UBR2: variants seen among roughly 807,000 people sequenced by gnomAD.
UBR2 encodes E3 ubiquitin-protein ligase UBR2.
UBR2 carries 92 observed loss-of-function variants against 247.9 expected under a neutral mutation model. The observed-to-expected ratio is 0.37, with a 90% CI of 0.31 to 0.44. UBR2 has a LOEUF of 0.44. Ranked by LOEUF, UBR2 falls within the 20% of genes least tolerant of loss-of-function variation. The pLI is 1.00. For missense variants in UBR2, 1,613 were observed against 2,112.6 expected (o/e 0.76, Z 4.64); for synonymous variants, 672 against 693.5 (o/e 0.97, Z 0.49).
chr6:42,629,696 C>G (rs568268705), intron 11 of UBR2, among the ~76,000 whole-genome samples: 1 of 152,004 alleles, frequency 6.6e-6, no homozygotes, highest in Admixed American at 6.6e-5. Flanking sequence ...GTGTTAAGTA[C>G]AAGAAATATA....
chr6:42,606,899 T>G (rs923383507), intron 7 of UBR2, among the ~76,000 whole-genome samples: 1 of 152,160 alleles, frequency 6.6e-6, no homozygotes, highest in African/African-American at 2.4e-5. Flanking sequence ...CTTAGAATGT[T>G]TTTCGCTTTC....
chr6:42,611,898 C>T (rs1794112380), intron 7 of UBR2, among the ~76,000 whole-genome samples: 1 of 143,846 alleles, frequency 7.0e-6, no homozygotes, highest in Non-Finnish European at 1.5e-5. Flanking sequence ...CAGAGCGAGA[C>T]TCCACCTCAA....
At chr6:42,638,861 C>A (rs76230247) in intron 15 of UBR2, among the ~76,000 whole-genome samples, 5 of 151,304 alleles carry the variant, frequency 3.3e-5, no homozygotes, top group African/African-American at 1.2e-4. Flanking sequence ...AAAAAAAAGT[C>A]TAATTTTATG....
At chr6:42,622,549 G>A (rs577199029) in intron 11 of UBR2, among the ~76,000 whole-genome samples, 1 of 151,028 alleles carries the variant, frequency 6.6e-6, no homozygotes, top group Non-Finnish European at 1.5e-5. Flanking sequence ...TTACAGGTGC[G>A]TGCCACCACA....
chr6:42,610,702 T>A (rs1794011064), intron 7 of UBR2, among the ~76,000 whole-genome samples: 1 of 152,142 alleles, frequency 6.6e-6, no homozygotes, highest in Non-Finnish European at 1.5e-5. Context: ...TAGCAGGGAC[T>A]TGCTCTTTAT....
chr6:42,654,845 T>A (rs994874252), intron 25 of UBR2, among the ~76,000 whole-genome samples: 2 of 152,250 alleles, frequency 1.3e-5, no homozygotes, highest in African/African-American at 4.8e-5. Flanking sequence ...AGTTTATAAA[T>A]GATAAGGCAT....
intron 4 of UBR2, among the ~76,000 whole-genome samples, chr6:42,601,688 CA>C (rs370998275): frequency 0.26 from 30,289 of 117,330 alleles, 3,214 homozygotes; most frequent in African/African-American, 0.34. Flanking sequence ...AACTCTAGCT[CA>C]AAAAAAAAAA....
chr6:42,668,542 C>T (rs778240307), intron 34 of UBR2, among the ~76,000 whole-genome samples: 17 of 151,804 alleles, frequency 1.1e-4, no homozygotes, highest in Admixed American at 5.2e-4. Flanking sequence ...CGGATTCAAG[C>T]GATTCTCCTG....
Position 42,663,434 on chromosome 6 carries a change from A to G in UBR2, c.3698+15A>G. On this transcript the variant is annotated intron_variant, in intron 32 of 46. Coordinates refer to ENST00000372901, the MANE Select transcript of UBR2 (RefSeq NM_001363705.2). ...ATTTTTAACAAGTAAGTTTTGGCTC[A>G]TGACAACTATTACAAAGCAATAGTT... 1 of 1,599,474 alleles carries G rather than the reference A, an allele frequency of 6.3e-7. No individual in the cohort carries two copies. The highest frequency in any genetic ancestry group is 1.1e-5 in the South Asian group (1 of 88,866).
intron 43 of UBR2, among the ~76,000 whole-genome samples, chr6:42,684,275 A>C (rs892767907): frequency 6.6e-6 from 1 of 152,164 alleles, no homozygotes; most frequent in South Asian, 2.1e-4. Context: ...TGATTTTGAT[A>C]TGATTAAGAA....
In UBR2 at chr6:42,679,644, A is replaced by G. The variant is rs1416652564; in HGVS notation, c.4610-80A>G. 31 of 1,028,106 alleles carry G rather than the reference A, an allele frequency of 3.0e-5. No homozygotes were observed. In the Admixed American group the frequency reaches 6.8e-4, roughly 22 times the overall value. The allele number at this position is 1,028,106 out of a possible 1,614,324, so 63.7% of individuals were successfully genotyped here. On this transcript the variant is annotated intron_variant, in intron 41 of 46. Coordinates refer to ENST00000372901, the MANE Select transcript of UBR2 (RefSeq NM_001363705.2). ...TGGAAGTCTTTCATCCTTTTTTTTTAAACTCTGCTATTGCTTAACTCTCAT... is the reference window on the plus strand; with the variant it reads ...TGGAAGTCTTTCATCCTTTTTTTTTGAACTCTGCTATTGCTTAACTCTCAT...
chr6:42,685,138 CCT>C (rs796307543), intron 44 of UBR2, among the ~76,000 whole-genome samples: 7 of 152,178 alleles, frequency 4.6e-5, no homozygotes, highest in African/African-American at 1.7e-4. Context: ...TTGGTGAAAC[CCT>C]GTCTCTACTA....
At chr6:42,628,505 T>G in intron 11 of UBR2, among the ~76,000 whole-genome samples, 1 of 152,034 alleles carries the variant, frequency 6.6e-6, no homozygotes. Flanking sequence ...GAGGATCACT[T>G]GAGGTCAGGA....
chr6:42,564,413 C>T lies in UBR2; in HGVS notation c.78+16C>T, dbSNP rs371439508. 3.5e-5 allele frequency: 56 copies of T among 1,603,766 alleles called. No homozygotes were observed. Among genetic ancestry groups the T allele is most frequent in the African/African-American group, 1.1e-4 (8 of 74,630 alleles). The stretch of plus-strand genomic sequence containing the variant: ...GATTGCGGGGGTGAGTGCCGGAACC[C>T]GGGCGGGTGCGTCTGCCCCTCGCAG... On this transcript the variant is annotated intron_variant, in intron 1 of 46. Coordinates refer to ENST00000372901, the MANE Select transcript of UBR2 (RefSeq NM_001363705.2).
chr6:42,580,154 G>T (rs2151908149), intron 2 of UBR2, among the ~76,000 whole-genome samples: 1 of 152,106 alleles, frequency 6.6e-6, no homozygotes, highest in Middle Eastern at 3.4e-3. Context: ...AATTCTGTAC[G>T]TTATCATGGG....
At chr6:42,672,470 G>A (rs1234059318) in intron 36 of UBR2, among the ~76,000 whole-genome samples, 1 of 151,982 alleles carries the variant, frequency 6.6e-6, no homozygotes, top group Non-Finnish European at 1.5e-5. Flanking sequence ...TTTTTACCCA[G>A]AATCTCACTC....
At chr6:42,628,037 T>C (rs974228114) in intron 11 of UBR2, among the ~76,000 whole-genome samples, 9 of 152,258 alleles carry the variant, frequency 5.9e-5, no homozygotes, top group African/African-American at 2.2e-4. Flanking sequence ...AATCCCCTCT[T>C]ACCCCACTCC....
intron 11 of UBR2, chr6:42,619,534 A>C (rs1157799559): frequency 4.6e-6 from 1 of 219,466 alleles, no homozygotes; most frequent in Non-Finnish European, 8.5e-6. Context: ...GGATCACCTG[A>C]GCTTAGGAGT....
chr6:42,634,491 A>G (rs890353177), intron 13 of UBR2, among the ~76,000 whole-genome samples: 11 of 152,176 alleles, frequency 7.2e-5, no homozygotes, highest in Admixed American at 1.3e-4. Flanking sequence ...GGTTTGCTCT[A>G]TCGCCCAGGC....
Sources: gnomAD v4.1 joint callset for allele counts (sites outside exome capture counted in the v4.1 genomes callset) on GRCh38, gnomAD v4.1.1 for gene constraint, MANE v1.5 for transcripts, NCBI Gene and HGNC (gene_info 2026-07-23, HGNC 2026-07-21) for gene names.